The following ATP9B variants were observed in gnomAD, a reference collection of about 807,000 sequenced individuals.
ATP9B encodes probable phospholipid-transporting ATPase IIB.
Under a neutral mutation model 146.1 loss-of-function variants are expected in ATP9B, and 110 were observed. The ratio of observed to expected loss-of-function variants is 0.75; its 90% confidence interval spans 0.65 to 0.88. ATP9B has a LOEUF of 0.88. ATP9B is among the 40% of genes least tolerant of loss of function. The pLI is 0.00. For synonymous variants in ATP9B, 604 were observed against 569.7 expected, an observed-to-expected ratio of 1.06 and a Z score of -0.86; for missense variants, 1,499 against 1,496.4, an observed-to-expected ratio of 1.00 and a Z score of -0.03.
intron 12 of ATP9B, among the ~76,000 whole-genome samples, chr18:79,275,100 C>G (rs2096293440): frequency 6.6e-6 from 1 of 152,162 alleles, no homozygotes; most frequent in Non-Finnish European, 1.5e-5. Flanking sequence ...CAGTATGACA[C>G]AAATCTGAAA....
intron 11 of ATP9B, among the ~76,000 whole-genome samples, chr18:79,227,460 G>T (rs1220875743): frequency 1.3e-5 from 2 of 151,262 alleles, no homozygotes; most frequent in South Asian, 2.1e-4. Flanking sequence ...GGGTGGGTGG[G>T]TGAGTGAGTG....
intron 1 of ATP9B, among the ~76,000 whole-genome samples, chr18:79,074,417 A>G (rs2072351480): frequency 6.6e-6 from 1 of 152,188 alleles, no homozygotes; most frequent in Non-Finnish European, 1.5e-5. Flanking sequence ...TGCTGGTGCC[A>G]CCTCGATGCT....
intron 7 of ATP9B, among the ~76,000 whole-genome samples, chr18:79,165,122 T>A (rs1343378759): frequency 6.6e-6 from 1 of 152,218 alleles, no homozygotes; most frequent in Non-Finnish European, 1.5e-5. Context: ...TCCCTGAATT[T>A]TACAACATAA....
At chr18:79,097,393 C>T (rs1385240833) in intron 2 of ATP9B, among the ~76,000 whole-genome samples, 1 of 151,654 alleles carries the variant, frequency 6.6e-6, no homozygotes, top group Non-Finnish European at 1.5e-5. Flanking sequence ...TGAGTCATTT[C>T]AGACTAGGTT....
chr18:79,191,568 T>G (rs914989867), intron 8 of ATP9B, among the ~76,000 whole-genome samples: 2 of 152,234 alleles, frequency 1.3e-5, no homozygotes, highest in African/African-American at 2.4e-5. Flanking sequence ...GCATTTAGAT[T>G]CACCATCATC....
At position 79,069,451 on chromosome 18, in the gene ATP9B, C is replaced by A. The variant is rs1356222387; in HGVS notation, c.41C>A (p.Ala14Glu). ...CCGCTTTACCCGGTGCGTAGCGCAGCGGCGGCCGCAGCCAACCGCAAACGC... is the reference window on the plus strand; with the variant it reads ...CCGCTTTACCCGGTGCGTAGCGCAGAGGCGGCCGCAGCCAACCGCAAACGC... The part of the protein sequence containing the change: ...QIPLYPVRSA[A>E]AAAANRKRAA... Residue 14 changes from alanine to glutamate, a missense_variant, in exon 1 of 30, where the codon GCG (alanine) becomes GAG (glutamate). Ala to Glu is a moderately radical substitution (Grantham distance 107). Transcript: ENST00000426216. The A allele has an allele frequency of 1.4e-5, 21 of 1,513,092 alleles. No homozygotes were observed. The highest frequency in any genetic ancestry group is 1.8e-5 in the Non-Finnish European group (20 of 1,134,244). 93.7% of individuals were successfully genotyped at this position (1,513,092 alleles called of 1,614,324 possible). A position where few individuals can be genotyped will look rare whatever the true frequency, so the allele number is the denominator to read the frequency against.
chr18:79,170,045 C>A (rs905352241), intron 7 of ATP9B, among the ~76,000 whole-genome samples: 9 of 152,308 alleles, frequency 5.9e-5, no homozygotes, highest in Middle Eastern at 3.4e-3. Context: ...CGTTTTGCTG[C>A]GGTGATCACT....
rs1028331735 is a variant in ATP9B at position 79,363,734 on chromosome 18, G to A, written c.3012+4272G>A. ...CCTGGATTGAGAGGCGTAAGCAGAT[G>A]TTCATGGTTTGAGAGACGTAAACAG... On this transcript the variant is annotated intron_variant, in intron 26 of 29. Coordinates refer to ENST00000426216, the MANE Select transcript of ATP9B (RefSeq NM_198531.5). The A allele has an allele frequency of 3.9e-5, 6 of 152,242 alleles. No individual in the cohort carries two copies. In the East Asian group the frequency reaches 9.6e-4, roughly 24 times the overall value. 9.4% of individuals were successfully genotyped at this position (152,242 alleles called of 1,614,324 possible).
chr18:79,177,929 C>T (rs544052854), intron 8 of ATP9B, among the ~76,000 whole-genome samples: 4 of 152,242 alleles, frequency 2.6e-5, no homozygotes, highest in Admixed American at 6.5e-5. Flanking sequence ...GGATACTATG[C>T]ATAATTTATA....
chr18:79,074,120 T>G (rs2072314708), intron 1 of ATP9B, among the ~76,000 whole-genome samples: 1 of 152,196 alleles, frequency 6.6e-6, no homozygotes, highest in South Asian at 2.1e-4. Context: ...CTCAGAGCCT[T>G]TGTGCTGTGA....
chr18:79,367,849 T>C (rs2097043822), intron 26 of ATP9B, among the ~76,000 whole-genome samples: 1 of 152,224 alleles, frequency 6.6e-6, no homozygotes, highest in Non-Finnish European at 1.5e-5. Context: ...CAAAAAGACA[T>C]GTCCGGAGCT....
At chr18:79,211,477 A>T (rs2095583634) in intron 10 of ATP9B, among the ~76,000 whole-genome samples, 1 of 152,226 alleles carries the variant, frequency 6.6e-6, no homozygotes, top group Non-Finnish European at 1.5e-5. Context: ...AAGTAGGCTA[A>T]GTCTCGAGGG....
chr18:79,350,824 A>C (rs1474250112), intron 25 of ATP9B, among the ~76,000 whole-genome samples: 1 of 147,576 alleles, frequency 6.8e-6, no homozygotes, highest in African/African-American at 2.5e-5. Flanking sequence ...GCTGGAGTGC[A>C]GTGGTGTGAT....
chr18:79,247,678 G>A (rs555431217), intron 11 of ATP9B, among the ~76,000 whole-genome samples: 5 of 152,086 alleles, frequency 3.3e-5, no homozygotes, highest in African/African-American at 4.8e-5. Context: ...TCTTAATTAC[G>A]TGTCATATGT....
chr18:79,231,778 G>GTATATATATATATATA (rs781387419), intron 11 of ATP9B, among the ~76,000 whole-genome samples: 1 of 121,296 alleles, frequency 8.2e-6, no homozygotes, highest in African/African-American at 3.3e-5. Flanking sequence ...GTGTGTGTGT[G>GTATATATATATATATA]TATATATATA....
chr18:79,136,172 T>C (rs932063037), intron 5 of ATP9B, among the ~76,000 whole-genome samples: 1 of 152,238 alleles, frequency 6.6e-6, no homozygotes, highest in Non-Finnish European at 1.5e-5. Context: ...AATACTAGTG[T>C]ATTATTTGGC....
chr18:79,258,957 A>T (rs2096112797), intron 12 of ATP9B, among the ~76,000 whole-genome samples: 1 of 152,260 alleles, frequency 6.6e-6, no homozygotes. Flanking sequence ...GAATAATGAT[A>T]CATTCTAGTA....
chr18:79,160,852 A>G (rs980437876), intron 7 of ATP9B, among the ~76,000 whole-genome samples: 4 of 152,054 alleles, frequency 2.6e-5, no homozygotes, highest in Admixed American at 6.6e-5. Context: ...GCTCACTGCA[A>G]CCTCTGCCTC....
At chr18:79,350,127 C>T (rs1045330911) in intron 25 of ATP9B, among the ~76,000 whole-genome samples, 1 of 152,226 alleles carries the variant, frequency 6.6e-6, no homozygotes, top group African/African-American at 2.4e-5. Context: ...AGCTGTGGGG[C>T]TCACAGCTAC....
Sources: allele counts gnomAD v4.1 joint callset (sites outside exome capture counted in the v4.1 genomes callset), GRCh38; gene constraint gnomAD v4.1.1; transcripts MANE v1.5; gene names NCBI Gene and HGNC (gene_info 2026-07-23, HGNC 2026-07-21).